The following AVEN variants were observed in gnomAD, a reference collection of about 807,000 sequenced individuals.
The protein encoded by AVEN is apoptosis and caspase activation inhibitor.
In AVEN, 41 loss-of-function variants were observed where a neutral mutation model predicts 38.1. The ratio of observed to expected loss-of-function variants is 1.08; its 90% CI spans 0.84 to 1.40. AVEN has a LOEUF of 1.40. Among genes scored for constraint, AVEN ranks in the 40% most tolerant of loss-of-function variants. The pLI is 0.00. For missense variants in AVEN, 605 were observed against 438.8 expected (o/e 1.38, Z -3.38); for synonymous variants, 206 against 171.8 (o/e 1.20, Z -1.56).
chr15:33,962,201 TA>T (rs1253200149), intron 2 of AVEN, among the ~76,000 whole-genome samples: 1 of 152,112 alleles, frequency 6.6e-6, no homozygotes, highest in Admixed American at 6.5e-5. Flanking sequence ...AGGACCTATT[TA>T]AAAAAATAAC....
intron 2 of AVEN, among the ~76,000 whole-genome samples, chr15:33,932,487 T>C (rs926785093): frequency 2.0e-5 from 3 of 152,204 alleles, no homozygotes; most frequent in African/African-American, 7.2e-5. Context: ...TACACAGTTA[T>C]GAAGAAGAAT....
rs71974331 is a variant in AVEN at position 33,933,491 on chromosome 15, TCACACA to T, written c.446-57502_446-57497del. Among the ~76,000 whole-genome samples the T allele has an allele frequency of 2.9e-3, 196 of 68,262 alleles. 2 individuals are homozygous for T. Among genetic ancestry groups the T allele is most frequent in the African/African-American group, 8.6e-3 (108 of 12,550 alleles). 44.8% of individuals were successfully genotyped at this position (68,262 alleles called of 152,430 possible). On this transcript the variant is annotated intron_variant, in intron 2 of 5. Coordinates refer to ENST00000306730, the MANE Select transcript of AVEN (RefSeq NM_020371.3). ...GTAAGCCAGGCCTGGCCTCCAACAA[TCACACA>T]CACACACACACACACACACACACAC...
At chr15:33,937,368 C>CACAAAA in intron 2 of AVEN, among the ~76,000 whole-genome samples, 2 of 151,434 alleles carry the variant, frequency 1.3e-5, no homozygotes, top group South Asian at 4.2e-4. Context: ...CCCATCTCTA[C>CACAAAA]TAAAAATACA....
chr15:33,900,459 C>A (rs118158829), intron 2 of AVEN, among the ~76,000 whole-genome samples: 4,962 of 152,098 alleles, frequency 0.033, 159 homozygotes, highest in Non-Finnish European at 0.039. Context: ...AGGCATGAGC[C>A]ACCACGCCCA....
At chr15:33,883,394 T>C (rs749152464) in intron 2 of AVEN, among the ~76,000 whole-genome samples, 2 of 152,184 alleles carry the variant, frequency 1.3e-5, no homozygotes. Flanking sequence ...AACAATGATA[T>C]TTAGCTTTAA....
chr15:33,909,256 C>T (rs918858567), intron 2 of AVEN, among the ~76,000 whole-genome samples: 8 of 152,214 alleles, frequency 5.3e-5, no homozygotes, highest in African/African-American at 1.9e-4. Context: ...AGCACCTTTA[C>T]TTCCAACACC....
intron 2 of AVEN, among the ~76,000 whole-genome samples, chr15:33,901,987 G>C (rs893317839): frequency 1.3e-5 from 2 of 152,012 alleles, no homozygotes; most frequent in African/African-American, 4.8e-5. Flanking sequence ...TTTGTTGACT[G>C]GTTTTTTGTT....
At chr15:33,905,040 G>A (rs1335778384) in intron 2 of AVEN, among the ~76,000 whole-genome samples, 1 of 149,188 alleles carries the variant, frequency 6.7e-6, no homozygotes, top group Non-Finnish European at 1.5e-5. Context: ...TGAGGCAGGA[G>A]AATCACTTGA....
At chr15:33,863,146 C>T (rs913092812), downstream of AVEN, among the ~76,000 whole-genome samples, 1 of 152,160 alleles carries the variant, frequency 6.6e-6, no homozygotes, top group Admixed American at 6.5e-5. Flanking sequence ...TCTCTATCCC[C>T]TCTAGGAGCA....
upstream of AVEN, among the ~76,000 whole-genome samples, chr15:34,040,182 CT>C (rs1341298569): frequency 6.6e-6 from 1 of 152,072 alleles, no homozygotes; most frequent in Non-Finnish European, 1.5e-5. Context: ...AAAAAAAAAC[CT>C]TGCCCCTGCC....
intron 1 of AVEN, among the ~76,000 whole-genome samples, chr15:34,030,343 G>A (rs529221519): frequency 6.6e-6 from 1 of 152,046 alleles, no homozygotes; most frequent in Non-Finnish European, 1.5e-5. Flanking sequence ...GTTTTGGGGG[G>A]TTTTTTGTTT....
chr15:34,049,433 G>A (rs1272172562), intron 5 of AVEN, among the ~76,000 whole-genome samples: 1 of 152,160 alleles, frequency 6.6e-6, no homozygotes, highest in Non-Finnish European at 1.5e-5. Flanking sequence ...GAGCAGAATA[G>A]ACCAGTGGAA....
intron 2 of AVEN, among the ~76,000 whole-genome samples, chr15:33,946,274 A>G (rs1894505001): frequency 6.6e-6 from 1 of 152,230 alleles, no homozygotes; most frequent in Non-Finnish European, 1.5e-5. Context: ...TGTGAACCTT[A>G]GAAAAACAGC....
chr15:33,939,049 G>T (rs979329693), intron 2 of AVEN, among the ~76,000 whole-genome samples: 6 of 152,096 alleles, frequency 3.9e-5, no homozygotes, highest in African/African-American at 1.4e-4. Context: ...CACCATGTTG[G>T]CCAGGCTGGT....
intron 5 of AVEN, among the ~76,000 whole-genome samples, chr15:34,055,479 T>G (rs2140834953): frequency 6.6e-6 from 1 of 151,660 alleles, no homozygotes; most frequent in East Asian, 1.9e-4. Context: ...CATTCCAGCC[T>G]GGGCAACAGA....
intron 3 of AVEN, among the ~76,000 whole-genome samples, chr15:33,873,106 T>C (rs985141230): frequency 1.4e-5 from 2 of 141,044 alleles, no homozygotes; most frequent in African/African-American, 5.3e-5. Flanking sequence ...TTTTTTTTTT[T>C]TTTTTTTTTT....
At chr15:33,977,657 G>C (rs905248028) in intron 2 of AVEN, among the ~76,000 whole-genome samples, 9 of 152,098 alleles carry the variant, frequency 5.9e-5, no homozygotes, top group Non-Finnish European at 1.2e-4. Context: ...TTTGAACCTT[G>C]AAATTCTGAC....
At chr15:34,067,108 T>C (rs612992) in intron 2 of AVEN, 150,733 of 152,330 alleles carry the variant, frequency 0.99, 74,598 homozygotes, top group Middle Eastern at 1. Context: ...AAACCATGTA[T>C]GACTTTGGCT....
rs376680217 is a variant in AVEN at position 33,938,065 on chromosome 15, GAATCAT to G, written c.446-62076_446-62071del. Among the ~76,000 whole-genome samples the G allele has an allele frequency of 8.8e-3, 1,332 of 151,612 alleles. 18 individuals carry two copies. Among genetic ancestry groups the G allele is most frequent in the African/African-American group, 0.031 (1,269 of 41,334 alleles). On this transcript the variant is annotated intron_variant, in intron 2 of 5. Coordinates refer to ENST00000306730, the MANE Select transcript of AVEN (RefSeq NM_020371.3). ...AAATCATAAACTATTTAAAATAAAG[GAATCAT>G]AATCATAATATCTTAGGGGGAAAGA...
Sources: allele counts gnomAD v4.1 joint callset (sites outside exome capture counted in the v4.1 genomes callset), GRCh38; gene constraint gnomAD v4.1.1; transcripts MANE v1.5; gene names NCBI Gene and HGNC (gene_info 2026-07-23, HGNC 2026-07-21).